MYCBP2: variants seen among roughly 807,000 people sequenced by gnomAD.
The protein encoded by MYCBP2 is E3 ubiquitin-protein ligase MYCBP2.
Under a neutral mutation model 525.3 loss-of-function variants are expected in MYCBP2, and 120 were observed. The ratio of observed to expected loss-of-function variants is 0.23; its 90% CI spans 0.20 to 0.27. The LOEUF (loss-of-function observed/expected upper bound fraction) is 0.27. MYCBP2 is among the 10% of genes least tolerant of loss of function. MYCBP2 has a pLI of 1.00. For synonymous variants in MYCBP2, 1,894 were observed against 1,955.8 expected (o/e 0.97, Z 0.83); for missense variants, 4,149 against 5,657.1 (o/e 0.73, Z 8.55).
chr13:77,144,897 ATCT>A (rs2055274516), intron 48 of MYCBP2, among the ~76,000 whole-genome samples: 2 of 152,162 alleles, frequency 1.3e-5, no homozygotes, highest in African/African-American at 4.8e-5. Flanking sequence ...AGTGTCCTGG[ATCT>A]GATCCAAAGC....
At position 77,327,086 on chromosome 13, in the gene MYCBP2, T is replaced by C. The variant is rs533994056; in HGVS notation, c.-311A>G. 1.4e-5 allele frequency: 6 copies of C among 437,034 alleles called. No homozygotes were observed. Among genetic ancestry groups the C allele is most frequent in the South Asian group, 1.4e-4 (2 of 14,496 alleles). 27.1% of individuals were successfully genotyped at this position (437,034 alleles called of 1,614,324 possible). A position where few individuals can be genotyped will look rare whatever the true frequency, so the allele number is the denominator to read the frequency against. ...CCACCACCGCCGGGGCTACCCGCAA[T>C]GGGAAGCTGCCGGCCTCACAGAGCA... On this transcript the variant is annotated 5_prime_UTR_variant, in exon 1 of 83. Coordinates refer to ENST00000544440, the MANE Select transcript of MYCBP2 (RefSeq NM_015057.5).
In MYCBP2 at chr13:77,288,570, G is replaced by C. The variant is rs536249890; in HGVS notation, c.379-194C>G. 2.0e-5 allele frequency among the ~76,000 whole-genome samples: 3 copies of C among 152,248 alleles called. No homozygotes were observed. The South Asian group carries it at 6.2e-4, about 32-fold the overall frequency. On this transcript the variant is annotated intron_variant, in intron 2 of 82. Transcript: ENST00000544440. The stretch of plus-strand genomic sequence containing the variant: ...ACCTCACTATTTTTTGAGCAATGCA[G>C]CAATAACCAACCAATCTGACAAGGG...
Position 77,139,340 on chromosome 13 carries a change from T to C in MYCBP2, c.7519-4A>G, listed in dbSNP as rs748515468. On this transcript the variant is annotated splice_region_variant and splice_polypyrimidine_tract_variant and intron_variant, in intron 51 of 82. Transcript: ENST00000544440. ...ACACACCATCATCATTATGGATCTA[T>C]AGAAAAAAGCAACAGAAACAAGCCA... 5.6e-6 allele frequency: 9 copies of C among 1,609,500 alleles called. No individual in the cohort carries two copies. The East Asian group carries it at 1.1e-4, about 20-fold the overall frequency.
intron 15 of MYCBP2, among the ~76,000 whole-genome samples, chr13:77,250,431 A>G (rs547809584): frequency 4.3e-4 from 66 of 152,318 alleles, no homozygotes; most frequent in Non-Finnish European, 3.7e-4. Flanking sequence ...TTCTCTTCAC[A>G]AAATTTTCTC....
chr13:77,301,222 T>C (rs564024291), intron 1 of MYCBP2, among the ~76,000 whole-genome samples: 1 of 151,400 alleles, frequency 6.6e-6, no homozygotes, highest in African/African-American at 2.4e-5. Flanking sequence ...CGAGACCAGC[T>C]TGGCCAACAT....
At chr13:77,203,021 C>T (rs1191373664) in intron 26 of MYCBP2, among the ~76,000 whole-genome samples, 9 of 151,148 alleles carry the variant, frequency 6.0e-5, no homozygotes, top group African/African-American at 1.5e-4. Context: ...TCCTATTCAA[C>T]ATAGTGTTGG....
chr13:77,118,643 T>C, intron 55 of MYCBP2: 2 of 563,276 alleles, frequency 3.6e-6, no homozygotes, highest in South Asian at 2.3e-5. Context: ...TGGTGACTGT[T>C]AATCATCCTC....
intron 55 of MYCBP2, chr13:77,110,013 CAT>C (rs201117052): frequency 0.023 from 3,435 of 152,226 alleles, 55 homozygotes; most frequent in Middle Eastern, 0.075. Context: ...GATTGTAAAA[CAT>C]GTGTGTTTGA....
At chr13:77,102,710 T>A (rs1475639982) in intron 55 of MYCBP2, among the ~76,000 whole-genome samples, 2 of 151,628 alleles carry the variant, frequency 1.3e-5, no homozygotes, top group Non-Finnish European at 3.0e-5. Context: ...CATATAAATA[T>A]AAATAGACAC....
At chr13:77,225,316 G>T in intron 19 of MYCBP2, 119 bp downstream of exon 19, 1 of 1,313,926 alleles carries the variant, frequency 7.6e-7, no homozygotes, top group Non-Finnish European at 1.1e-6. Flanking sequence ...AGATTTGAGA[G>T]ACTGCCACGC....
At chr13:77,217,718 A>G in intron 21 of MYCBP2, 122 bp downstream of exon 21, 1 of 514,436 alleles carries the variant, frequency 1.9e-6, no homozygotes. Context: ...TGAAATATGC[A>G]TATGTAACAA....
In MYCBP2 at chr13:77,122,146, C is replaced by G. The variant is rs1486922632; in HGVS notation, c.8018-651G>C. ...CCATTTACAAATGGCAAGATGTGAC[C>G]TATAAAATATGCAAACTAAATTAAT... On this transcript the variant is annotated intron_variant, in intron 54 of 82. Coordinates refer to ENST00000544440, the MANE Select transcript of MYCBP2 (RefSeq NM_015057.5). 3.3e-5 allele frequency among the ~76,000 whole-genome samples: 5 copies of G among 151,662 alleles called. No individual in the cohort carries two copies. The East Asian group carries it at 9.7e-4, about 30-fold the overall frequency.
At chr13:77,218,880 T>G (rs1340999786) in intron 20 of MYCBP2, among the ~76,000 whole-genome samples, 1 of 152,144 alleles carries the variant, frequency 6.6e-6, no homozygotes, top group Admixed American at 6.5e-5. Context: ...TTTTAAAAAT[T>G]ATATAGTAGT....
chr13:77,232,816 A>T (rs2067312344), intron 18 of MYCBP2, among the ~76,000 whole-genome samples: 1 of 152,238 alleles, frequency 6.6e-6, no homozygotes, highest in African/African-American at 2.4e-5. Flanking sequence ...AAAAGGCCAG[A>T]TCACAGTCAT....
chr13:77,308,065 A>C (rs1264088321), intron 1 of MYCBP2, among the ~76,000 whole-genome samples: 1 of 152,208 alleles, frequency 6.6e-6, no homozygotes, highest in Admixed American at 6.5e-5. Context: ...AATAATAGCT[A>C]TTGGAGTTAC....
chr13:77,071,121 G>A (rs902569020), intron 68 of MYCBP2, among the ~76,000 whole-genome samples: 3 of 143,330 alleles, frequency 2.1e-5, no homozygotes, highest in Admixed American at 2.0e-4. Context: ...TTAAGCTATC[G>A]GAACACCAAG....
At chr13:77,143,840 G>A (rs1466714021) in intron 49 of MYCBP2, among the ~76,000 whole-genome samples, 1 of 152,152 alleles carries the variant, frequency 6.6e-6, no homozygotes. Flanking sequence ...AATACTGCAG[G>A]TAACTGTAAC....
chr13:77,105,323 T>C (rs2047685349), intron 55 of MYCBP2, among the ~76,000 whole-genome samples: 2 of 152,076 alleles, frequency 1.3e-5, no homozygotes, highest in Admixed American at 1.3e-4. Flanking sequence ...GAAGGCAAAA[T>C]GGCCTTCAAG....
chr13:77,241,698 CT>C (rs1160667472), intron 17 of MYCBP2, among the ~76,000 whole-genome samples: 2 of 151,958 alleles, frequency 1.3e-5, no homozygotes, highest in Non-Finnish European at 2.9e-5. Context: ...AAATATTCAC[CT>C]TATCAATCAA....
Sources: allele counts gnomAD v4.1 joint callset (sites outside exome capture counted in the v4.1 genomes callset), GRCh38; gene constraint gnomAD v4.1.1; transcripts MANE v1.5; gene names NCBI Gene and HGNC (gene_info 2026-07-23, HGNC 2026-07-21).